The following SPIDR variants were observed in gnomAD, a reference collection of about 807,000 sequenced individuals.
SPIDR encodes the protein DNA repair-scaffolding protein.
SPIDR carries 93 observed loss-of-function variants against 104.6 expected under a neutral mutation model. The observed-to-expected ratio is 0.89, with a 90% CI of 0.75 to 1.06. SPIDR has a LOEUF of 1.06. SPIDR is among the 50% of genes least tolerant of loss of function. The pLI, the probability that SPIDR is intolerant of heterozygous loss-of-function variation, is 0.00. For missense variants in SPIDR, 1,154 were observed against 1,111.2 expected, an observed-to-expected ratio of 1.04 and a Z score of -0.55; for synonymous variants, 431 against 416.9, an observed-to-expected ratio of 1.03 and a Z score of -0.41.
At chr8:47,402,780 A>G (rs1363797846) in intron 6 of SPIDR, among the ~76,000 whole-genome samples, 6 of 152,242 alleles carry the variant, frequency 3.9e-5, no homozygotes, top group African/African-American at 1.4e-4. Context: ...AAGTACAAAG[A>G]GGAGCTGGTA....
At chr8:47,290,049 G>A (rs2039619229) in intron 3 of SPIDR, among the ~76,000 whole-genome samples, 1 of 152,088 alleles carries the variant, frequency 6.6e-6, no homozygotes, top group African/African-American at 2.4e-5. Flanking sequence ...TTTTGTGTGT[G>A]TGTGTGTGAG....
chr8:47,678,043 A>G (rs1477411158), intron 11 of SPIDR, among the ~76,000 whole-genome samples: 1 of 152,012 alleles, frequency 6.6e-6, no homozygotes, highest in African/African-American at 2.4e-5. Context: ...CACCTCAAAA[A>G]AAAAAAAAAA....
At chr8:47,718,327 A>G (rs2082869638) in intron 16 of SPIDR, among the ~76,000 whole-genome samples, 1 of 152,202 alleles carries the variant, frequency 6.6e-6, no homozygotes, top group Admixed American at 6.5e-5. Flanking sequence ...AGGGGAGGAA[A>G]CATGCTCTGA....
At position 47,544,150 on chromosome 8, in the gene SPIDR, G is replaced by T. The variant is rs75613011; in HGVS notation, c.1098-51661G>T. ...TTTATTTTTATTTTGCATGCTAATGGCATCAAGCATCTTTTCATGTGCTCA... is the reference window on the plus strand; with the variant it reads ...TTTATTTTTATTTTGCATGCTAATGTCATCAAGCATCTTTTCATGTGCTCA... On this transcript the variant is annotated intron_variant, in intron 8 of 19. Coordinates refer to ENST00000297423, the MANE Select transcript of SPIDR (RefSeq NM_001080394.4). Among the ~76,000 whole-genome samples, 876 of 152,010 alleles carry T rather than the reference G, an allele frequency of 5.8e-3. 29 individuals are homozygous for T. The highest frequency in any genetic ancestry group is 0.011 in the East Asian group (56 of 5,180).
rs782042817 is a variant in SPIDR at position 47,407,898 on chromosome 8, C to T, written c.814C>T (p.Arg272Ter). The change falls in exon 7 of 20, where the codon CGA (arginine) becomes TGA (stop). Residue 272 changes from arginine (R) to a stop codon, truncating the protein, a stop_gained. Transcript: ENST00000297423. LOFTEE classifies it high-confidence loss of function. Reference sequence around the variant, plus strand: ...AGAAAGACTAAATGGACTGCAGAATCGAGAGAGATCTGCTATTTCTTTGTG... The same window carrying T: ...AGAAAGACTAAATGGACTGCAGAATTGAGAGAGATCTGCTATTTCTTTGTG... Reference protein sequence around the residue: ...LAERLNGLQNRERSAISLWRH... With the variant: ...LAERLNGLQN 1.6e-5 allele frequency: 26 copies of T among 1,604,526 alleles called. No homozygotes were observed. The South Asian group carries it at 2.3e-4, about 14-fold the overall frequency.
intron 8 of SPIDR, among the ~76,000 whole-genome samples, chr8:47,555,020 T>A (rs2091149574): frequency 6.6e-6 from 1 of 152,204 alleles, no homozygotes; most frequent in Admixed American, 6.5e-5. Context: ...TTTTTTTTCC[T>A]AAATCTTAGT....
At chr8:47,505,602 G>A (rs1160249570) in intron 8 of SPIDR, among the ~76,000 whole-genome samples, 1 of 152,200 alleles carries the variant, frequency 6.6e-6, no homozygotes, top group Non-Finnish European at 1.5e-5. Context: ...GCAGTGCCTC[G>A]CCCTGCTTCG....
chr8:47,454,039 C>G (rs1278404401), intron 8 of SPIDR, among the ~76,000 whole-genome samples: 1 of 152,160 alleles, frequency 6.6e-6, no homozygotes, highest in Non-Finnish European at 1.5e-5. Context: ...GGACTGTAAA[C>G]TGGTTCAACC....
intron 10 of SPIDR, among the ~76,000 whole-genome samples, chr8:47,627,826 G>A (rs757198699): frequency 2.0e-5 from 3 of 152,170 alleles, no homozygotes; most frequent in Non-Finnish European, 1.5e-5. Context: ...CAGCCTTGAC[G>A]TACTGGCCGG....
chr8:47,289,053 G>A (rs1278539761), intron 3 of SPIDR, among the ~76,000 whole-genome samples: 2 of 151,942 alleles, frequency 1.3e-5, no homozygotes, highest in African/African-American at 2.4e-5. Flanking sequence ...CCTGTCACTC[G>A]GGATGGAGTG....
intron 8 of SPIDR, among the ~76,000 whole-genome samples, chr8:47,566,701 A>G (rs2057900294): frequency 6.6e-6 from 1 of 152,086 alleles, no homozygotes; most frequent in South Asian, 2.1e-4. Context: ...AGCTCCTTTC[A>G]CTCAGTCAGT....
At chr8:47,734,223 ATGT>A (rs1285185436) in intron 19 of SPIDR, among the ~76,000 whole-genome samples, 1 of 152,118 alleles carries the variant, frequency 6.6e-6, no homozygotes, top group East Asian at 1.9e-4. Context: ...CCCTCACAGC[ATGT>A]GTGTGGATCC....
At chr8:47,280,224 AT>A (rs1263329691) in intron 2 of SPIDR, among the ~76,000 whole-genome samples, 4,270 of 146,322 alleles carry the variant, frequency 0.029, 212 homozygotes, top group African/African-American at 0.099. Flanking sequence ...TTTATTTTTT[AT>A]TTTTTTTTTA....
chr8:47,662,148 G>T (rs1489526459), intron 10 of SPIDR, among the ~76,000 whole-genome samples: 1 of 152,192 alleles, frequency 6.6e-6, no homozygotes, highest in Non-Finnish European at 1.5e-5. Context: ...GTGCTCTCCA[G>T]CCTCTGCCTT....
chr8:47,271,597 G>A (rs1039182491), intron 1 of SPIDR, among the ~76,000 whole-genome samples: 4 of 151,918 alleles, frequency 2.6e-5, no homozygotes, highest in Admixed American at 6.6e-5. Flanking sequence ...ATTGATATTC[G>A]CTATTTGGTG....
intron 19 of SPIDR, chr8:47,732,604 C>T (rs571654191): frequency 4.1e-5 from 7 of 168,882 alleles, no homozygotes; most frequent in African/African-American, 7.1e-5. Context: ...GTCTTTACTG[C>T]GGATCTGGAA....
intron 5 of SPIDR, among the ~76,000 whole-genome samples, chr8:47,299,934 A>C (rs1189717466): frequency 1.3e-5 from 2 of 152,188 alleles, no homozygotes; most frequent in East Asian, 1.9e-4. Context: ...TGTCTCTGCC[A>C]GGCTTTGGTA....
chr8:47,727,167 C>A (rs776081219), intron 16 of SPIDR, 33 bp from the exon 17 acceptor site: 1 of 1,607,416 alleles, frequency 6.2e-7, no homozygotes, highest in African/African-American at 1.3e-5. Flanking sequence ...GCAGAGCCGC[C>A]TCTGAGGTGG....
At chr8:47,577,067 C>T (rs1249766075) in intron 8 of SPIDR, among the ~76,000 whole-genome samples, 1 of 152,156 alleles carries the variant, frequency 6.6e-6, no homozygotes, top group Non-Finnish European at 1.5e-5. Context: ...GCTTAGGAGC[C>T]TTTGTCAAAT....
Sources: gnomAD v4.1 joint callset for allele counts (sites outside exome capture counted in the v4.1 genomes callset) on GRCh38, gnomAD v4.1.1 for gene constraint, MANE v1.5 for transcripts, NCBI Gene and HGNC (gene_info 2026-07-23, HGNC 2026-07-21) for gene names.